The following SH3GL3 variants were observed in gnomAD, a reference collection of about 807,000 sequenced individuals.
SH3GL3 encodes the protein endophilin-A3.
A neutral mutation model predicts 47.7 loss-of-function variants in SH3GL3; 33 were observed. The observed-to-expected ratio is 0.69, with a 90% CI of 0.52 to 0.92. SH3GL3 has a LOEUF of 0.92. Ranked by LOEUF, SH3GL3 falls within the 40% of genes least tolerant of loss-of-function variation. SH3GL3 has a pLI of 0.00. For missense variants in SH3GL3, 363 were observed against 417.8 expected (o/e 0.87, Z 1.14); for synonymous variants, 155 against 148.8 (o/e 1.04, Z -0.30).
intron 8 of SH3GL3, among the ~76,000 whole-genome samples, chr15:83,610,211 G>A (rs2060625350): frequency 6.6e-6 from 1 of 152,204 alleles, no homozygotes; most frequent in Non-Finnish European, 1.5e-5. Flanking sequence ...CAGCTGATGG[G>A]CCACCCCATT....
intron 1 of SH3GL3, among the ~76,000 whole-genome samples, chr15:83,497,097 A>C (rs2042110625): frequency 1.3e-5 from 2 of 152,168 alleles, no homozygotes; most frequent in Non-Finnish European, 2.9e-5. Context: ...CTGCTGGAGA[A>C]AATCTTGTAA....
chr15:83,603,869 T>G (rs2151833604), intron 8 of SH3GL3, among the ~76,000 whole-genome samples: 1 of 152,330 alleles, frequency 6.6e-6, no homozygotes, highest in Non-Finnish European at 1.5e-5. Context: ...GTGCGGTGGC[T>G]TACGCCTGTA....
downstream of SH3GL3, among the ~76,000 whole-genome samples, chr15:83,620,626 A>G (rs1310692652): frequency 6.6e-6 from 1 of 152,352 alleles, no homozygotes; most frequent in Middle Eastern, 3.4e-3. Context: ...CATGCTATAA[A>G]CAGACATACT....
chr15:83,632,334 G>A, the SH3GL3 span, among the ~76,000 whole-genome samples: 1 of 152,150 alleles, frequency 6.6e-6, no homozygotes, highest in South Asian at 2.1e-4. Flanking sequence ...TAAGTTGGCT[G>A]TTGTCTCTAG....
At chr15:83,628,541 G>A in the SH3GL3 span, among the ~76,000 whole-genome samples, 4 of 152,196 alleles carry the variant, frequency 2.6e-5, no homozygotes, top group South Asian at 6.2e-4. Context: ...TCAGGAGTCC[G>A]AGACCAGCCT....
In SH3GL3 at chr15:83,603,906, G is replaced by A. The variant is rs367973824; in HGVS notation, c.839-14176G>A. ...TCCCAGCACTTTGGGAGGCCGAGGC[G>A]GGTGGATCACCTGAGTTCAGGAGTT... On this transcript the variant is annotated intron_variant, in intron 8 of 8. Transcript: ENST00000427482. Among the ~76,000 whole-genome samples, 45 of 152,288 alleles carry A rather than the reference G, an allele frequency of 3.0e-4. No individual in the cohort carries two copies. The East Asian group carries it at 3.7e-3, about 12-fold the overall frequency.
rs190478227 is a variant in SH3GL3, at chr15:83,617,251, C to G, written c.839-831C>G. Among the ~76,000 whole-genome samples, 31 of 152,222 alleles carry G rather than the reference C, an allele frequency of 2.0e-4. 1 individual carries two copies. The highest frequency in any genetic ancestry group is 6.0e-4 in the African/African-American group (25 of 41,536). On this transcript the variant is annotated intron_variant, in intron 8 of 8. Transcript: ENST00000427482. ...CTGTAAATATTCTTGCCTTTCTTGT[C>G]CTGGTTTCTCTCCTCCCGGCCCTTG...
At chr15:83,559,153 G>C (rs1218681660) in intron 1 of SH3GL3, 100 bp from the exon 2 acceptor site, 3 of 712,756 alleles carry the variant, frequency 4.2e-6, no homozygotes, top group East Asian at 5.4e-5. Flanking sequence ...AATCCAACAA[G>C]TTGAATCCAA....
intron 2 of SH3GL3, among the ~76,000 whole-genome samples, chr15:83,561,704 T>G (rs1038638536): frequency 1.3e-5 from 2 of 151,940 alleles, no homozygotes; most frequent in Non-Finnish European, 2.9e-5. Flanking sequence ...CACAAACAAA[T>G]TACATAAAGA....
intron 1 of SH3GL3, among the ~76,000 whole-genome samples, chr15:83,541,469 G>A (rs2044165738): frequency 6.6e-6 from 1 of 151,578 alleles, no homozygotes; most frequent in South Asian, 2.1e-4. Flanking sequence ...GAGTAGCTGG[G>A]ACTACAGGCG....
At chr15:83,506,743 AATTCTT>A (rs768285105) in intron 1 of SH3GL3, among the ~76,000 whole-genome samples, 4 of 152,052 alleles carry the variant, frequency 2.6e-5, no homozygotes, top group Non-Finnish European at 5.9e-5. Context: ...AGGTCTGGCA[AATTCTT>A]ATTCTAAGTT....
chr15:83,616,353 C>T (rs567607914), intron 8 of SH3GL3, among the ~76,000 whole-genome samples: 4 of 149,094 alleles, frequency 2.7e-5, no homozygotes, highest in African/African-American at 5.0e-5. Flanking sequence ...TCCGGGTTCA[C>T]GCCATTCTCC....
chr15:83,449,877 A>G (rs997572788), intron 1 of SH3GL3, among the ~76,000 whole-genome samples: 1 of 152,240 alleles, frequency 6.6e-6, no homozygotes, highest in African/African-American at 2.4e-5. Context: ...AAATCTTGCA[A>G]TGCAACAATT....
chr15:83,447,822 C>G lies in SH3GL3; in HGVS notation c.45+244C>G, dbSNP rs1335100791. 6.6e-6 allele frequency among the ~76,000 whole-genome samples: 1 copy of G among 152,126 alleles called. No individual in the cohort carries two copies. Among genetic ancestry groups the G allele is most frequent in the Non-Finnish European group, 1.5e-5 (1 of 68,004 alleles). ...TGGGCCGTTGTAAATCGGAGAGATTCTGCGGAGCGGAGGGCAGAGGTGGCG... is the reference window on the plus strand; with the variant it reads ...TGGGCCGTTGTAAATCGGAGAGATTGTGCGGAGCGGAGGGCAGAGGTGGCG... On this transcript the variant is annotated intron_variant, in intron 1 of 8. Transcript: ENST00000427482. This position sits in a 1 kb window ranked among gnomAD's most constrained non-coding sequence, Gnocchi z 5.1.
At chr15:83,483,826 C>G (rs980045791) in intron 1 of SH3GL3, among the ~76,000 whole-genome samples, 2 of 152,216 alleles carry the variant, frequency 1.3e-5, no homozygotes, top group African/African-American at 4.8e-5. Context: ...ATCAATCCAT[C>G]CTTGCCTTAG....
Position 83,568,605 on chromosome 15 carries a change from G to A in SH3GL3, c.264G>A (p.Gln88=). The A allele has an allele frequency of 6.2e-7, 1 of 1,613,744 alleles. No homozygotes were observed. Among genetic ancestry groups the A allele is most frequent in the Non-Finnish European group, 8.5e-7 (1 of 1,179,630 alleles). Reference sequence around the variant, plus strand: ...AGGTGAAGACCACAGGATACCCGCAGACGGAAGGCTTGCTGGGGGACTGTA... The same window carrying A: ...AGGTGAAGACCACAGGATACCCGCAAACGGAAGGCTTGCTGGGGGACTGTA... The part of the protein sequence containing the change: ...RGQVKTTGYP[Q]TEGLLGDCML... The change falls in exon 4 of 9, where the codon CAG becomes CAA. Residue 88 remains glutamine, a synonymous_variant. Transcript: ENST00000427482.
At chr15:83,543,126 G>T (rs965657546) in intron 1 of SH3GL3, among the ~76,000 whole-genome samples, 13 of 151,942 alleles carry the variant, frequency 8.6e-5, no homozygotes, top group Non-Finnish European at 1.6e-4. Flanking sequence ...GTTGTATATG[G>T]CTTTTATTGT....
chr15:83,501,689 C>A (rs2151607604), intron 1 of SH3GL3, among the ~76,000 whole-genome samples: 1 of 152,212 alleles, frequency 6.6e-6, no homozygotes, highest in East Asian at 1.9e-4. Flanking sequence ...GTCAGGAGTT[C>A]ATGACTAGCC....
chr15:83,544,587 G>A (rs146896699), intron 1 of SH3GL3, among the ~76,000 whole-genome samples: 25 of 152,218 alleles, frequency 1.6e-4, no homozygotes, highest in Non-Finnish European at 3.4e-4. Context: ...ACTGTTACCA[G>A]TGAATTTTGT....
Sources: gnomAD v4.1 joint callset for allele counts (sites outside exome capture counted in the v4.1 genomes callset) on GRCh38, gnomAD v4.1.1 for gene constraint, Gnocchi (gnomAD v3.1) non-coding constraint, MANE v1.5 for transcripts, NCBI Gene and HGNC (gene_info 2026-07-23, HGNC 2026-07-21) for gene names.